Variants in PRDM5 observed in about 807,000 individuals in gnomAD.
PRDM5 encodes the protein PR domain zinc finger protein 5.
A neutral mutation model predicts 81.2 loss-of-function variants in PRDM5; 56 were observed. The observed-to-expected ratio is 0.69, with a 90% confidence interval of 0.56 to 0.86. The LOEUF is 0.86. Ranked by LOEUF, PRDM5 falls within the 40% of genes least tolerant of loss-of-function variation. The pLI is 0.00. For missense variants in PRDM5, 697 were observed against 770.1 expected (o/e 0.91, Z 1.12); for synonymous variants, 267 against 256.4 (o/e 1.04, Z -0.39).
chr4:120,880,749 A>T (rs1234785150), intron 2 of PRDM5, among the ~76,000 whole-genome samples: 1 of 152,176 alleles, frequency 6.6e-6, no homozygotes, highest in Admixed American at 6.5e-5. Context: ...TAAATAGAGT[A>T]CCAAAAAATC....
chr4:120,771,838 T>C (rs964601529), intron 13 of PRDM5, among the ~76,000 whole-genome samples: 1 of 152,202 alleles, frequency 6.6e-6, no homozygotes, highest in African/African-American at 2.4e-5. Context: ...TTCATTTAAC[T>C]TTGGAAAAGT....
Position 120,695,216 on chromosome 4 carries a change from A to G in PRDM5, c.1788T>C (p.Asn596=). ...GGCATTCTGCCAGGGGACGATTGGG[A>G]TTATGAGTCATCTTGTGTCGAATCA... The part of the protein sequence containing the change: ...KMLIRHKMTH[N]PNRPLAECQF... The change falls in exon 16 of 16, where the codon AAT becomes AAC. Residue 596 remains asparagine (N), a synonymous_variant. Transcript: ENST00000264808. 2 of 1,613,630 alleles carry G rather than the reference A, an allele frequency of 1.2e-6. No homozygotes were observed. The highest frequency in any genetic ancestry group is 1.7e-6 in the Non-Finnish European group (2 of 1,179,690).
At chr4:120,816,232 A>G in intron 7 of PRDM5, 1 of 681,622 alleles carries the variant, frequency 1.5e-6, no homozygotes, top group Non-Finnish European at 2.5e-6. Context: ...GCTTACAGTT[A>G]TAATTAATTC....
intron 13 of PRDM5, among the ~76,000 whole-genome samples, chr4:120,761,957 A>G (rs1467509261): frequency 6.6e-6 from 1 of 152,140 alleles, no homozygotes; most frequent in Admixed American, 6.5e-5. Flanking sequence ...TATTACCACA[A>G]TTTTTTAAAA....
downstream of PRDM5, among the ~76,000 whole-genome samples, chr4:120,687,127 T>C (rs1294547339): frequency 6.6e-6 from 1 of 152,100 alleles, no homozygotes; most frequent in African/African-American, 2.4e-5. Context: ...AGAGTATTAT[T>C]GTAACCCTAT....
chr4:120,787,605 T>C (rs1331244698), intron 10 of PRDM5, among the ~76,000 whole-genome samples: 1 of 152,166 alleles, frequency 6.6e-6, no homozygotes, highest in Non-Finnish European at 1.5e-5. Flanking sequence ...GTTCTAAATA[T>C]CTTCTGAAAG....
At chr4:120,695,301 T>C (rs750812873) in intron 15 of PRDM5, 26 bp from the exon 16 acceptor site, 33 of 1,612,248 alleles carry the variant, frequency 2.0e-5, no homozygotes, top group Non-Finnish European at 2.6e-5. Context: ...AGACCAACCA[T>C]ATTATACTGA....
intron 2 of PRDM5, among the ~76,000 whole-genome samples, chr4:120,887,519 C>T (rs1344382887): frequency 3.3e-5 from 5 of 152,186 alleles, no homozygotes; most frequent in African/African-American, 1.2e-4. Context: ...CCTTAAATGA[C>T]TTCCTTCTAC....
chr4:120,701,163 T>TAA (rs35533749), intron 15 of PRDM5, among the ~76,000 whole-genome samples: 9 of 141,836 alleles, frequency 6.3e-5, no homozygotes, highest in African/African-American at 1.0e-4. Flanking sequence ...AAAAAAGAGG[T>TAA]AAAAAAAAAA....
intron 14 of PRDM5, among the ~76,000 whole-genome samples, chr4:120,739,139 C>G (rs966506686): frequency 2.6e-5 from 4 of 152,180 alleles, no homozygotes; most frequent in Non-Finnish European, 5.9e-5. Context: ...TTGAGGTCCT[C>G]ACAACATGGT....
intron 14 of PRDM5, among the ~76,000 whole-genome samples, chr4:120,748,632 C>T (rs1743500470): frequency 6.7e-6 from 1 of 150,112 alleles, no homozygotes; most frequent in South Asian, 2.1e-4. Flanking sequence ...CAGAGCAAGA[C>T]CCTCTCTCTC....
intron 2 of PRDM5, among the ~76,000 whole-genome samples, chr4:120,870,947 TCTC>T (rs1334595175): frequency 2.6e-5 from 4 of 152,112 alleles, no homozygotes; most frequent in African/African-American, 4.8e-5. Context: ...TTGTCTACCT[TCTC>T]CTACTCTCTT....
intron 2 of PRDM5, among the ~76,000 whole-genome samples, chr4:120,890,842 G>GT (rs1437399231): frequency 2.0e-5 from 3 of 152,042 alleles, no homozygotes; most frequent in South Asian, 2.1e-4. Context: ...TTGTTAATTT[G>GT]TTTAAGTACC....
chr4:120,766,652 A>G (rs1746431881), intron 13 of PRDM5, among the ~76,000 whole-genome samples: 1 of 152,216 alleles, frequency 6.6e-6, no homozygotes, highest in Non-Finnish European at 1.5e-5. Flanking sequence ...AATAAGAAAT[A>G]AAAATATCAG....
At chr4:120,710,287 G>A in intron 15 of PRDM5, 22 bp downstream of exon 15, 2 of 1,600,258 alleles carry the variant, frequency 1.2e-6, no homozygotes, top group Non-Finnish European at 1.7e-6. Flanking sequence ...AGACACTATG[G>A]GGGAAAAAAA....
At chr4:120,885,487 T>C (rs968714558) in intron 2 of PRDM5, 1 of 152,094 alleles carries the variant, frequency 6.6e-6, no homozygotes, top group Non-Finnish European at 1.5e-5. Flanking sequence ...TACATCTATC[T>C]GATAAAATTC....
chr4:120,834,594 T>C (rs1345433839), intron 3 of PRDM5, among the ~76,000 whole-genome samples: 1 of 152,168 alleles, frequency 6.6e-6, no homozygotes, highest in Non-Finnish European at 1.5e-5. Context: ...TGTGTCAACT[T>C]GACTAGGACG....
intron 1 of PRDM5, among the ~76,000 whole-genome samples, chr4:120,913,070 T>C (rs1766701177): frequency 1.3e-5 from 2 of 152,224 alleles, no homozygotes; most frequent in Non-Finnish European, 2.9e-5. Flanking sequence ...CTATATCCAT[T>C]CCCATTAGTA....
intron 14 of PRDM5, among the ~76,000 whole-genome samples, chr4:120,734,305 T>C (rs1209574812): frequency 2.0e-5 from 3 of 151,866 alleles, no homozygotes; most frequent in East Asian, 1.9e-4. Context: ...TTTATAAGTA[T>C]TGATGCAGCC....
Sources: gnomAD v4.1 joint callset for allele counts (sites outside exome capture counted in the v4.1 genomes callset) on GRCh38, gnomAD v4.1.1 for gene constraint, MANE v1.5 for transcripts, NCBI Gene and HGNC (gene_info 2026-07-23, HGNC 2026-07-21) for gene names.